The following FREM2 variants were observed in gnomAD, a reference collection of about 807,000 sequenced individuals.
The protein encoded by FREM2 is FRAS1-related extracellular matrix protein 2.
Under a neutral mutation model 219.9 loss-of-function variants are expected in FREM2, and 119 were observed. That is an observed-to-expected ratio of 0.54 (90% confidence interval 0.47 to 0.63). The LOEUF (loss-of-function observed/expected upper bound fraction) is 0.63, where lower values mean the gene tolerates loss of function less well. Ranked by LOEUF, FREM2 falls within the 30% of genes least tolerant of loss-of-function variation. The probability of loss-of-function intolerance (pLI) is 0.00; values close to 1 mark genes in which losing one functional copy is unlikely to be tolerated. For missense variants in FREM2, 4,030 were observed against 3,993.6 expected (o/e 1.01, Z -0.25); for synonymous variants, 1,562 against 1,522.8 (o/e 1.03, Z -0.60).
chr13:38,880,768 A>G lies in FREM2; in HGVS notation c.9491A>G (p.Asn3164Ser). Residue 3164 changes from asparagine (N) to serine (S), a missense_variant, in exon 24 of 24, where the codon AAT (asparagine) becomes AGT (serine). By Grantham distance (46) the Asn-to-Ser change is conservative. Around this residue, in one of 2 missense-constraint regions of FREM2, gnomAD observed 928 missense variants for 1,042.9 expected, o/e 0.89. Transcript: ENST00000280481. ...EPMVPPQSHH[N>S]DSSEV ...ATGGTGCCCCCACAGAGCCATCACA[A>G]TGACAGCTCAGAAGTTTGATGACTG... The G allele has an allele frequency of 6.2e-7, 1 of 1,614,160 alleles. No homozygotes were observed. Among genetic ancestry groups the G allele is most frequent in the Non-Finnish European group, 8.5e-7 (1 of 1,180,038 alleles).
chr13:38,692,539 T>C, intron 1 of FREM2, 22 bp downstream of exon 1: 1 of 1,603,228 alleles, frequency 6.2e-7, no homozygotes, highest in Non-Finnish European at 8.5e-7. Flanking sequence ...GTTTCTTTTC[T>C]TGGTTATCCT....
At chr13:38,714,773 A>T (rs570258747) in intron 2 of FREM2, among the ~76,000 whole-genome samples, 1 of 152,140 alleles carries the variant, frequency 6.6e-6, no homozygotes, top group Non-Finnish European at 1.5e-5. Flanking sequence ...AGTTAAAAAA[A>T]CTTAATTTAA....
chr13:38,725,127 G>A (rs1032963399), intron 2 of FREM2, among the ~76,000 whole-genome samples: 2 of 152,152 alleles, frequency 1.3e-5, no homozygotes, highest in African/African-American at 4.8e-5. Context: ...ATAGGCCATA[G>A]CCTGTAATCT....
At position 38,691,902 on chromosome 13, in the gene FREM2, C is replaced by T. The variant is rs142322683; in HGVS notation, c.4558C>T (p.Arg1520Trp). The change falls in exon 1 of 24, where the codon CGG becomes TGG. Residue 1520 changes from arginine (R) to tryptophan (W), a missense_variant. This residue lies in a region of FREM2 where 3,102 missense variants were observed against 2,950.7 expected (regional missense o/e 1.05). Transcript: ENST00000280481. ...CACCGATGGACGTAACCCTGTCTTT[C>T]GGACATTCCGTATCTCCATTAGCGA... ...QVTDGRNPVF[R>W]TFRISISDVD... 2.9e-4 allele frequency: 460 copies of T among 1,614,016 alleles called. No individual in the cohort carries two copies. Among genetic ancestry groups the T allele is most frequent in the Non-Finnish European group, 3.6e-4 (422 of 1,180,026 alleles).
At chr13:38,712,780 CT>C (rs1312978919) in intron 2 of FREM2, among the ~76,000 whole-genome samples, 2 of 151,926 alleles carry the variant, frequency 1.3e-5, no homozygotes, top group African/African-American at 2.4e-5. Flanking sequence ...TAAAATTTTC[CT>C]GGTACTAGTG....
rs146674235 is a variant in FREM2 at position 38,856,466 on chromosome 13, T to C, written c.7056+210T>C. Among the ~76,000 whole-genome samples the C allele has an allele frequency of 4.7e-3, 721 of 152,280 alleles. 2 individuals are homozygous for C. Among genetic ancestry groups the C allele is most frequent in the Non-Finnish European group, 8.6e-3 (588 of 68,014 alleles). On this transcript the variant is annotated intron_variant, in intron 12 of 23. Coordinates refer to ENST00000280481, the MANE Select transcript of FREM2 (RefSeq NM_207361.6). ...GTGCATCTTTTTCTTTGAAAAATCATGTTTGTCGAAACTCAAGGACTGAAG... is the reference window on the plus strand; with the variant it reads ...GTGCATCTTTTTCTTTGAAAAATCACGTTTGTCGAAACTCAAGGACTGAAG...
rs1235927396 is a variant in FREM2, at chr13:38,827,300, C to T, written c.6020-19273C>T. The T allele has an allele frequency of 3.7e-4, 56 of 151,980 alleles. 1 individual carries two copies. Among genetic ancestry groups the T allele is most frequent in the Admixed American group, 3.7e-3 (56 of 15,224 alleles). 9.4% of individuals were successfully genotyped at this position (151,980 alleles called of 1,614,324 possible). A position where few individuals can be genotyped will look rare whatever the true frequency, so the allele number is the denominator to read the frequency against. On this transcript the variant is annotated intron_variant, in intron 6 of 23. Transcript: ENST00000280481. The stretch of plus-strand genomic sequence containing the variant: ...TGTTGTGAGCATTAAGACAATATAA[C>T]AAGGTTTCTAGAGATCCTGGTGTCA...
At chr13:38,829,466 C>T (rs1439028938) in intron 6 of FREM2, among the ~76,000 whole-genome samples, 1 of 151,968 alleles carries the variant, frequency 6.6e-6, no homozygotes, top group Non-Finnish European at 1.5e-5. Flanking sequence ...GATAACTCAA[C>T]TATTTATCAT....
chr13:38,798,397 T>G (rs1405417462), intron 6 of FREM2, among the ~76,000 whole-genome samples: 1 of 152,168 alleles, frequency 6.6e-6, no homozygotes, highest in Non-Finnish European at 1.5e-5. Context: ...GCATCTATGT[T>G]TATCAGGGAT....
intron 6 of FREM2, among the ~76,000 whole-genome samples, chr13:38,820,745 C>A (rs1008255169): frequency 1.3e-5 from 2 of 152,058 alleles, no homozygotes; most frequent in African/African-American, 4.8e-5. Flanking sequence ...CCAAACATGG[C>A]AACTTGGCTG....
At chr13:38,851,432 T>C (rs1476642039) in intron 10 of FREM2, among the ~76,000 whole-genome samples, 4 of 152,158 alleles carry the variant, frequency 2.6e-5, no homozygotes, top group Non-Finnish European at 4.4e-5. Context: ...GGCCTGCTCA[T>C]GTGTAATTTA....
chr13:38,765,809 C>T (rs1305742705), intron 3 of FREM2, among the ~76,000 whole-genome samples: 1 of 152,136 alleles, frequency 6.6e-6, no homozygotes, highest in Non-Finnish European at 1.5e-5. Flanking sequence ...GGTCTCCCCG[C>T]GGCCTCACCC....
chr13:38,847,210 C>G (rs1247839066), intron 7 of FREM2, among the ~76,000 whole-genome samples: 1 of 152,166 alleles, frequency 6.6e-6, no homozygotes, highest in African/African-American at 2.4e-5. Context: ...AAAGTACTAA[C>G]TAGCACATAT....
intron 6 of FREM2, among the ~76,000 whole-genome samples, chr13:38,834,415 C>T (rs1438514739): frequency 2.0e-5 from 3 of 151,748 alleles, no homozygotes; most frequent in East Asian, 1.9e-4. Context: ...TCCAGTCTAA[C>T]GTTGATGGAC....
chr13:38,834,613 T>C (rs11840538), intron 6 of FREM2, among the ~76,000 whole-genome samples: 65,439 of 152,090 alleles, frequency 0.43, 17,403 homozygotes, highest in East Asian at 0.86. Flanking sequence ...CCAACATCTG[T>C]GGTTTCCTGA....
chr13:38,812,928 A>C (rs569872147), intron 6 of FREM2, among the ~76,000 whole-genome samples: 7 of 150,932 alleles, frequency 4.6e-5, no homozygotes, highest in African/African-American at 1.2e-4. Flanking sequence ...AAAAAAAAAA[A>C]CCCCACAAAA....
intron 14 of FREM2, among the ~76,000 whole-genome samples, chr13:38,861,102 G>T (rs1475973402): frequency 1.3e-5 from 2 of 152,076 alleles, no homozygotes; most frequent in African/African-American, 4.8e-5. Flanking sequence ...TACTGTATCT[G>T]TTCATACTTT....
rs1429649089 is a variant in FREM2 at position 38,688,143 on chromosome 13, C to G, written c.799C>G (p.Arg267Gly). The change falls in exon 1 of 24, where the codon CGC becomes GGC. Residue 267 changes from arginine (R) to glycine (G), a missense_variant. Around this residue, in one of 2 missense-constraint regions of FREM2, gnomAD observed 3,102 missense variants for 2,950.7 expected, o/e 1.05. Transcript: ENST00000280481. ...KAFQELGVRY[R>G]HTAASRSPNR... Reference sequence around the variant, plus strand: ...TTTCCAGGAACTAGGCGTGCGCTATCGCCACACAGCCGCCAGTCGCTCACC... The same window carrying G: ...TTTCCAGGAACTAGGCGTGCGCTATGGCCACACAGCCGCCAGTCGCTCACC... 1 of 1,613,402 alleles carries G rather than the reference C, an allele frequency of 6.2e-7. No individual in the cohort carries two copies. Among genetic ancestry groups the G allele is most frequent in the Non-Finnish European group, 8.5e-7 (1 of 1,179,854 alleles).
rs577234667 is a variant in FREM2, at chr13:38,886,137, T to C, written c.*5350T>C. 6.6e-6 allele frequency: 1 copy of C among 152,202 alleles called. No individual in the cohort carries two copies. Among genetic ancestry groups the C allele is most frequent in the South Asian group, 2.1e-4 (1 of 4,822 alleles). The allele number at this position is 152,202 out of a possible 1,614,324, so 9.4% of individuals were successfully genotyped here. A position where few individuals can be genotyped will look rare whatever the true frequency, so the allele number is the denominator to read the frequency against. On this transcript the variant is annotated 3_prime_UTR_variant, in exon 24 of 24. Coordinates refer to ENST00000280481, the MANE Select transcript of FREM2 (RefSeq NM_207361.6). ...CTCAAGAAAGAAGAAAAAATAAGAATGTAAATTTTTAAAAGCTAGCATTAA... is the reference window on the plus strand; with the variant it reads ...CTCAAGAAAGAAGAAAAAATAAGAACGTAAATTTTTAAAAGCTAGCATTAA...
Sources: gnomAD v4.1 joint callset for allele counts (sites outside exome capture counted in the v4.1 genomes callset) on GRCh38, gnomAD v4.1.1 for gene constraint, gnomAD v4.1.1 regional missense constraint, MANE v1.5 for transcripts, NCBI Gene and HGNC (gene_info 2026-07-23, HGNC 2026-07-21) for gene names.